The following SCN10A variants were observed in gnomAD, a reference collection of about 807,000 sequenced individuals.
SCN10A encodes the protein sodium channel protein type 10 subunit alpha.
In SCN10A, 162 loss-of-function variants were observed where a neutral mutation model predicts 170.7. The observed-to-expected ratio is 0.95, with a 90% CI of 0.84 to 1.08. The LOEUF is 1.08. Among genes scored for constraint, SCN10A ranks in the 50% least tolerant of loss-of-function variants. The pLI is 0.00. For synonymous variants in SCN10A, 985 were observed against 904.6 expected, an observed-to-expected ratio of 1.09 and a Z score of -1.59; for missense variants, 2,527 against 2,436.9, an observed-to-expected ratio of 1.04 and a Z score of -0.78.
chr3:38,773,919 T>C (rs1481353113), intron 4 of SCN10A, among the ~76,000 whole-genome samples: 1 of 152,128 alleles, frequency 6.6e-6, no homozygotes, highest in Non-Finnish European at 1.5e-5. Context: ...GAGTATATTA[T>C]TGGAGATAGG....
intron 1 of SCN10A, among the ~76,000 whole-genome samples, chr3:38,796,070 G>T (rs186679708): frequency 5.3e-5 from 8 of 152,084 alleles, no homozygotes; most frequent in Non-Finnish European, 1.0e-4. Context: ...AGTCCATGGG[G>T]CTCAGATCTT....
At chr3:38,701,083 C>T (rs1159267321) in intron 27 of SCN10A, among the ~76,000 whole-genome samples, 1 of 152,198 alleles carries the variant, frequency 6.6e-6, no homozygotes, top group Non-Finnish European at 1.5e-5. Flanking sequence ...AGGATAATAA[C>T]ACCTGCTTGA....
chr3:38,785,140 T>C (rs1395658720), intron 4 of SCN10A, among the ~76,000 whole-genome samples: 1 of 152,162 alleles, frequency 6.6e-6, no homozygotes, highest in Non-Finnish European at 1.5e-5. Context: ...TACTTTAAAT[T>C]TCATGTGGAA....
chr3:38,775,225 C>A (rs965950798), intron 4 of SCN10A, among the ~76,000 whole-genome samples: 3 of 152,206 alleles, frequency 2.0e-5, no homozygotes, highest in Middle Eastern at 3.4e-3. Flanking sequence ...CAGAAATGTA[C>A]CCATTAAATA....
In SCN10A at chr3:38,789,097, T is replaced by C. The variant is rs2064247166; in HGVS notation, c.390-61A>G. 6 of 918,418 alleles carry C rather than the reference T, an allele frequency of 6.5e-6. 1 individual carries two copies. In the South Asian group the frequency reaches 7.9e-5, roughly 12 times the overall value. The allele number at this position is 918,418 out of a possible 1,614,324, so 56.9% of individuals were successfully genotyped here. A position where few individuals can be genotyped will look rare whatever the true frequency, so the allele number is the denominator to read the frequency against. ...CAAGTCTCTGTGATGTCATCTAGGA[T>C]CACCTTGATGCTGAATGATTACATT... On this transcript the variant is annotated intron_variant, in intron 3 of 27. Coordinates refer to ENST00000449082, the MANE Select transcript of SCN10A (RefSeq NM_006514.4).
chr3:38,813,594 C>T (rs988530371), intron 1 of SCN10A, among the ~76,000 whole-genome samples: 4 of 152,162 alleles, frequency 2.6e-5, no homozygotes, highest in Admixed American at 6.5e-5. Flanking sequence ...GTTCACAAGG[C>T]CTATGCTCTT....
chr3:38,763,438 C>A, intron 6 of SCN10A, 67 bp downstream of exon 6: 1 of 1,238,020 alleles, frequency 8.1e-7, no homozygotes, highest in South Asian at 1.2e-5. Context: ...TTACAGGGTT[C>A]TTGTGAAAAT....
intron 22 of SCN10A, among the ~76,000 whole-genome samples, chr3:38,713,022 C>T (rs953809610): frequency 2.6e-5 from 4 of 152,218 alleles, no homozygotes; most frequent in African/African-American, 9.6e-5. Flanking sequence ...ATGATGACTA[C>T]TTCCAGCCAA....
intron 26 of SCN10A, among the ~76,000 whole-genome samples, chr3:38,706,002 GT>G (rs2063206780): frequency 6.6e-6 from 1 of 152,160 alleles, no homozygotes; most frequent in Admixed American, 6.5e-5. Flanking sequence ...TTTTGCTCAG[GT>G]TCACTCAAAT....
intron 19 of SCN10A, 63 bp downstream of exon 19, chr3:38,723,367 C>T (rs1424873063): frequency 8.1e-6 from 13 of 1,598,212 alleles, no homozygotes; most frequent in East Asian, 4.5e-5. Context: ...GGTGAGTGTT[C>T]GCTCAACTGG....
chr3:38,698,376 A>T lies in SCN10A; in HGVS notation c.4844T>A (p.Phe1615Tyr). 6.2e-7 allele frequency: 1 copy of T among 1,614,182 alleles called. No homozygotes were observed. The highest frequency in any genetic ancestry group is 8.5e-7 in the Non-Finnish European group (1 of 1,180,028). The change falls in exon 28 of 28, where the codon TTC becomes TAC. Residue 1615 changes from phenylalanine to tyrosine, a missense_variant. By Grantham distance (22) the Phe-to-Tyr change is conservative (BLOSUM62 3). Transcript: ENST00000449082. ...GATAGAGTAGATGAACATGACAAGGAATAGCAACAGCCCGATGTTGAAGAG... is the reference window on the plus strand; with the variant it reads ...GATAGAGTAGATGAACATGACAAGGTATAGCAACAGCCCGATGTTGAAGAG... ...PALFNIGLLL[F>Y]LVMFIYSIFG...
intron 17 of SCN10A, 67 bp from the exon 18 acceptor site, chr3:38,725,381 G>A: frequency 6.9e-7 from 1 of 1,457,828 alleles, no homozygotes; most frequent in Admixed American, 2.1e-5. Context: ...AAATTTGAAG[G>A]GATCTTGCAC....
chr3:38,743,492 T>C (rs1213009697), intron 13 of SCN10A, among the ~76,000 whole-genome samples: 1 of 152,230 alleles, frequency 6.6e-6, no homozygotes, highest in Non-Finnish European at 1.5e-5. Context: ...GCAAGAGTTT[T>C]CTACACTTAA....
intron 8 of SCN10A, among the ~76,000 whole-genome samples, chr3:38,758,985 A>G (rs190162168): frequency 2.6e-5 from 4 of 152,258 alleles, no homozygotes; most frequent in Admixed American, 1.3e-4. Context: ...TGTCAGAACA[A>G]CCCTCTCATG....
At chr3:38,759,784 G>C (rs959110991) in intron 8 of SCN10A, among the ~76,000 whole-genome samples, 3 of 152,184 alleles carry the variant, frequency 2.0e-5, no homozygotes, top group Non-Finnish European at 2.9e-5. Flanking sequence ...GCAACCAAAA[G>C]CTGGACCGAG....
chr3:38,722,454 C>T (rs748367875), intron 19 of SCN10A, 42 bp from the exon 20 acceptor site: 10 of 1,592,666 alleles, frequency 6.3e-6, no homozygotes, highest in South Asian at 2.3e-5. Flanking sequence ...GGCCAGTGGG[C>T]AAAGGGGATA....
Position 38,726,960 on chromosome 3 carries a change from C to T in SCN10A, c.2733G>A (p.Gln911=), listed in dbSNP as rs1461231204. 3.1e-6 allele frequency: 5 copies of T among 1,614,128 alleles called. No individual in the cohort carries two copies. In the Admixed American group the frequency reaches 6.7e-5, roughly 22 times the overall value. The change falls in exon 17 of 28, where the codon CAG becomes CAA. Residue 911 remains glutamine (Q), a synonymous_variant. Coordinates refer to ENST00000449082, the MANE Select transcript of SCN10A (RefSeq NM_006514.4). ...AGACCTGGATCCGTGCCAGGGCCAC[C>T]TGCAGGTTGTTCACCTCCCCATCGT... The part of the protein sequence containing the change: ...PEDDGEVNNL[Q]VALARIQVFG...
intron 5 of SCN10A, 55 bp downstream of exon 5, chr3:38,771,224 A>G (rs1000801746): frequency 5.6e-6 from 9 of 1,595,288 alleles, no homozygotes; most frequent in Non-Finnish European, 7.7e-6. Context: ...TCTCCTACCC[A>G]CCATTTTGTC....
Position 38,725,183 on chromosome 3 carries a change from G to A in SCN10A, c.3219C>T (p.Val1073=), listed in dbSNP as rs770596799. Residue 1073 remains valine, a synonymous_variant, in exon 18 of 28, where the codon GTC becomes GTT. Transcript: ENST00000449082. The part of the protein sequence containing the change: ...ETWKDESVPQ[V]PAEGVDDTSS... ...AAGCTGACATACCTACCTCAGCAGG[G>A]ACCTGAGGAACAGACTCATCTTTCC... 10 of 1,596,632 alleles carry A rather than the reference G, an allele frequency of 6.3e-6. No homozygotes were observed. Among genetic ancestry groups the A allele is most frequent in the Non-Finnish European group, 8.6e-6 (10 of 1,166,904 alleles).
Sources: gnomAD v4.1 joint callset for allele counts (sites outside exome capture counted in the v4.1 genomes callset) on GRCh38, gnomAD v4.1.1 for gene constraint, MANE v1.5 for transcripts, NCBI Gene and HGNC (gene_info 2026-07-23, HGNC 2026-07-21) for gene names.